The following EYA4 variants were observed in gnomAD, a reference collection of about 807,000 sequenced individuals.
The protein encoded by EYA4 is EYA transcriptional coactivator and phosphatase 4, also known as protein phosphatase EYA4.
In EYA4, 31 loss-of-function variants were observed where a neutral mutation model predicts 87.9. That is an observed-to-expected ratio of 0.35 (90% CI 0.27 to 0.48). The LOEUF (loss-of-function observed/expected upper bound fraction) is 0.48. Among genes scored for constraint, EYA4 ranks in the 20% least tolerant of loss-of-function variants. The pLI is 0.99. For missense variants in EYA4, 678 were observed against 761.4 expected (o/e 0.89, Z 1.29); for synonymous variants, 263 against 270.6 (o/e 0.97, Z 0.28).
chr6:133,302,314 C>T (rs1273169507), intron 2 of EYA4, among the ~76,000 whole-genome samples: 2 of 151,870 alleles, frequency 1.3e-5, no homozygotes, highest in Non-Finnish European at 2.9e-5. Flanking sequence ...TTAGGAAGAT[C>T]ATATTGAAGG....
chr6:133,363,121 G>C (rs1361413542), intron 2 of EYA4: 1 of 152,426 alleles, frequency 6.6e-6, no homozygotes, highest in African/African-American at 2.4e-5. Context: ...GAAGCTAGCA[G>C]ACCTTACGGG....
At chr6:133,338,344 CTGTT>C (rs138826781) in intron 2 of EYA4, among the ~76,000 whole-genome samples, 2,145 of 152,220 alleles carry the variant, frequency 0.014, 54 homozygotes, top group African/African-American at 0.048. Flanking sequence ...AACTTAAAAT[CTGTT>C]TGTGCCTTAC....
At chr6:133,516,382 AGTC>A (rs1295336428) in intron 17 of EYA4, among the ~76,000 whole-genome samples, 1 of 151,950 alleles carries the variant, frequency 6.6e-6, no homozygotes, top group African/African-American at 2.4e-5. Flanking sequence ...CTAAAATAAA[AGTC>A]AAAAAAAAAG....
intron 2 of EYA4, among the ~76,000 whole-genome samples, chr6:133,354,633 G>A (rs773076687): frequency 1.4e-4 from 21 of 152,190 alleles, no homozygotes; most frequent in African/African-American, 4.3e-4. Context: ...TTCCATTGCC[G>A]TATATTGCTT....
chr6:133,290,474 C>T (rs1778401060), intron 2 of EYA4, among the ~76,000 whole-genome samples: 1 of 152,046 alleles, frequency 6.6e-6, no homozygotes, highest in Non-Finnish European at 1.5e-5. Flanking sequence ...TAGACAACAA[C>T]CTAGACTATA....
chr6:133,391,296 C>T (rs1200082681), intron 3 of EYA4, among the ~76,000 whole-genome samples: 2 of 143,312 alleles, frequency 1.4e-5, no homozygotes, highest in African/African-American at 5.2e-5. Context: ...ATGGCATGAT[C>T]TTGGCTCACC....
chr6:133,469,983 G>C (rs986218270), intron 11 of EYA4, among the ~76,000 whole-genome samples: 55 of 151,374 alleles, frequency 3.6e-4, no homozygotes, highest in Admixed American at 9.9e-4. Flanking sequence ...GTAGATTCTG[G>C]ATATTAGCCC....
At chr6:133,309,954 A>G (rs1780093935) in intron 2 of EYA4, among the ~76,000 whole-genome samples, 1 of 152,192 alleles carries the variant, frequency 6.6e-6, no homozygotes, top group African/African-American at 2.4e-5. Context: ...TATTTTTAAA[A>G]AAGAAGGGTA....
chr6:133,288,098 C>A (rs1429390544), intron 2 of EYA4, among the ~76,000 whole-genome samples: 1 of 152,120 alleles, frequency 6.6e-6, no homozygotes, highest in African/African-American at 2.4e-5. Flanking sequence ...CACTGCACTG[C>A]ACTCCAGCCT....
At chr6:133,454,091 G>A (rs147438288) in intron 5 of EYA4, among the ~76,000 whole-genome samples, 7 of 152,204 alleles carry the variant, frequency 4.6e-5, no homozygotes, top group African/African-American at 1.7e-4. Context: ...TAATCTTCAT[G>A]TCTGGCTTCT....
intron 2 of EYA4, among the ~76,000 whole-genome samples, chr6:133,301,791 C>T (rs1779429141): frequency 6.6e-6 from 1 of 152,176 alleles, no homozygotes; most frequent in African/African-American, 2.4e-5. Context: ...TTCATTGATG[C>T]TTTCATTTAT....
intron 5 of EYA4, among the ~76,000 whole-genome samples, chr6:133,448,428 A>G (rs1048108614): frequency 6.6e-6 from 1 of 152,168 alleles, no homozygotes; most frequent in African/African-American, 2.4e-5. Flanking sequence ...TTTCACCTAA[A>G]TGATGCATAT....
chr6:133,251,058 A>G (rs1355498646), intron 1 of EYA4, among the ~76,000 whole-genome samples: 2 of 152,170 alleles, frequency 1.3e-5, no homozygotes, highest in African/African-American at 2.4e-5. Context: ...TTAAGAGAAG[A>G]CACTATAGGT....
In EYA4 at chr6:133,437,027, A is replaced by G. The variant is rs190875780; in HGVS notation, c.84-9603A>G. Among the ~76,000 whole-genome samples the G allele has an allele frequency of 2.6e-3, 400 of 152,312 alleles. 2 individuals carry two copies. The highest frequency in any genetic ancestry group is 8.7e-3 in the African/African-American group (362 of 41,574). On this transcript the variant is annotated intron_variant, in intron 3 of 19. Transcript: ENST00000355286. ...AAAATTGCAGGAAAAAAAAATCCCCAGAAACTAGTTGCATGTCTTTACATT... is the reference window on the plus strand; with the variant it reads ...AAAATTGCAGGAAAAAAAAATCCCCGGAAACTAGTTGCATGTCTTTACATT...
At chr6:133,264,245 C>T (rs1363163993) in intron 1 of EYA4, among the ~76,000 whole-genome samples, 2 of 152,190 alleles carry the variant, frequency 1.3e-5, no homozygotes, top group African/African-American at 2.4e-5. Flanking sequence ...AAAAAACACC[C>T]CTGGAGCCCC....
At position 133,515,614 on chromosome 6, in the gene EYA4, T is replaced by A. The variant is rs1323709510; in HGVS notation, c.1616+179T>A. On this transcript the variant is annotated intron_variant, in intron 17 of 19. Coordinates refer to ENST00000355286, the MANE Select transcript of EYA4 (RefSeq NM_004100.5). ...GCATGAGAGAGAGAGAGAGAGAGTGTGTGTGTGAGTGTGTGTGTGTGTGTG... is the reference window on the plus strand; with the variant it reads ...GCATGAGAGAGAGAGAGAGAGAGTGAGTGTGTGAGTGTGTGTGTGTGTGTG... 6.7e-5 allele frequency among the ~76,000 whole-genome samples: 7 copies of A among 103,838 alleles called. No homozygotes were observed. The East Asian group carries it at 1.8e-3, about 27-fold the overall frequency. 68.1% of individuals were successfully genotyped at this position (103,838 alleles called of 152,430 possible).
chr6:133,261,622 C>T (rs1420967654), intron 1 of EYA4, among the ~76,000 whole-genome samples: 2 of 152,084 alleles, frequency 1.3e-5, no homozygotes, highest in Admixed American at 6.5e-5. Context: ...TGACTTTTGG[C>T]TACTATCTAA....
intron 13 of EYA4, among the ~76,000 whole-genome samples, chr6:133,489,635 A>G (rs1308184295): frequency 6.6e-6 from 1 of 152,010 alleles, no homozygotes; most frequent in Non-Finnish European, 1.5e-5. Flanking sequence ...AAAAAAAACC[A>G]TATTTACCCT....
chr6:133,430,600 C>T (rs1454941649), intron 3 of EYA4, among the ~76,000 whole-genome samples: 2 of 151,966 alleles, frequency 1.3e-5, no homozygotes, highest in African/African-American at 2.4e-5. Context: ...TTTCTTATAC[C>T]ATATTTTTTA....
Sources: gnomAD v4.1 joint callset for allele counts (sites outside exome capture counted in the v4.1 genomes callset) on GRCh38, gnomAD v4.1.1 for gene constraint, MANE v1.5 for transcripts, NCBI Gene and HGNC (gene_info 2026-07-23, HGNC 2026-07-21) for gene names.